The following CTNND2 variants were observed in gnomAD, a reference collection of about 807,000 sequenced individuals.
The protein encoded by CTNND2 is catenin delta 2, also known as catenin delta-2.
In CTNND2, 22 loss-of-function variants were observed where a neutral mutation model predicts 144.4. The ratio of observed to expected loss-of-function variants is 0.15; its 90% CI spans 0.11 to 0.22. CTNND2 has a LOEUF of 0.22. Among genes scored for constraint, CTNND2 ranks in the 10% least tolerant of loss-of-function variants. The pLI, the probability that CTNND2 is intolerant of heterozygous loss-of-function variation, is 1.00. For missense variants in CTNND2, 1,353 were observed against 1,618.8 expected, an observed-to-expected ratio of 0.84 and a Z score of 2.82; for synonymous variants, 751 against 695.6, an observed-to-expected ratio of 1.08 and a Z score of -1.25.
intron 12 of CTNND2, among the ~76,000 whole-genome samples, chr5:11,132,708 T>A (rs1175294890): frequency 6.6e-6 from 1 of 152,132 alleles, no homozygotes; most frequent in East Asian, 1.9e-4. Context: ...GGAAACCAAC[T>A]CCTTAATTTG....
chr5:11,126,400 G>A (rs2149708069), intron 12 of CTNND2, among the ~76,000 whole-genome samples: 1 of 152,330 alleles, frequency 6.6e-6, no homozygotes, highest in Non-Finnish European at 1.5e-5. Flanking sequence ...ATTATGTAAT[G>A]TTTGGTTCAA....
intron 2 of CTNND2, among the ~76,000 whole-genome samples, chr5:11,731,535 T>C (rs1326591665): frequency 1.3e-5 from 2 of 152,234 alleles, no homozygotes; most frequent in African/African-American, 2.4e-5. Context: ...ACTACTTTTT[T>C]ATTTACAAGA....
intron 6 of CTNND2, among the ~76,000 whole-genome samples, chr5:11,390,149 G>T (rs188465744): frequency 6.6e-6 from 1 of 152,164 alleles, no homozygotes; most frequent in Non-Finnish European, 1.5e-5. Flanking sequence ...CCCTTATATG[G>T]AGTATTTTAC....
At chr5:11,527,964 T>C (rs1381478080) in intron 3 of CTNND2, among the ~76,000 whole-genome samples, 1 of 152,164 alleles carries the variant, frequency 6.6e-6, no homozygotes. Flanking sequence ...CAGATTTCTT[T>C]GGAAAAGTAA....
At chr5:11,636,115 C>T (rs1364968327) in intron 2 of CTNND2, among the ~76,000 whole-genome samples, 1 of 151,506 alleles carries the variant, frequency 6.6e-6, no homozygotes, top group African/African-American at 2.4e-5. Flanking sequence ...AAACCCACCC[C>T]CTTAAATAAG....
chr5:11,421,974 T>C (rs894624056), intron 3 of CTNND2, among the ~76,000 whole-genome samples: 2 of 151,938 alleles, frequency 1.3e-5, no homozygotes, highest in African/African-American at 4.8e-5. Context: ...ACACGAAAAA[T>C]CCATAGAACA....
chr5:11,732,042 T>C, intron 2 of CTNND2, 94 bp downstream of exon 2: 1 of 1,244,620 alleles, frequency 8.0e-7, no homozygotes, highest in Non-Finnish European at 1.1e-6. Flanking sequence ...GAGTATGAGT[T>C]TCTTTTAACA....
chr5:11,636,285 T>C (rs1581643701), intron 2 of CTNND2, among the ~76,000 whole-genome samples: 1 of 152,164 alleles, frequency 6.6e-6, no homozygotes, highest in African/African-American at 2.4e-5. Context: ...TCCAGAATCA[T>C]TGTTCAGTAG....
At chr5:11,307,502 T>C (rs1750367777) in intron 9 of CTNND2, among the ~76,000 whole-genome samples, 1 of 152,144 alleles carries the variant, frequency 6.6e-6, no homozygotes, top group African/African-American at 2.4e-5. Flanking sequence ...TGAAGAAAGT[T>C]TCGCTTGCTG....
intron 14 of CTNND2, among the ~76,000 whole-genome samples, chr5:11,108,170 A>G (rs1029703127): frequency 7.9e-5 from 12 of 152,208 alleles, no homozygotes; most frequent in Admixed American, 2.0e-4. Flanking sequence ...TTGAATGATT[A>G]TTCTCCAAGT....
chr5:11,182,116 GGTGTGTGTGTGGATGGGGT>G (rs780240502), intron 11 of CTNND2, among the ~76,000 whole-genome samples: 12 of 138,578 alleles, frequency 8.7e-5, no homozygotes, highest in Non-Finnish European at 1.3e-4. Flanking sequence ...GTGTGTGTGT[GGTGTGTGTGTGGATGGGGT>G]GTGTGTGTGT....
intron 2 of CTNND2, among the ~76,000 whole-genome samples, chr5:11,708,834 C>A (rs1342150378): frequency 6.6e-6 from 1 of 152,112 alleles, no homozygotes; most frequent in Non-Finnish European, 1.5e-5. Context: ...GTTGTCAGCC[C>A]CCTCCCGTGA....
intron 3 of CTNND2, among the ~76,000 whole-genome samples, chr5:11,525,286 T>C (rs1463205133): frequency 6.6e-6 from 1 of 152,192 alleles, no homozygotes; most frequent in Admixed American, 6.5e-5. Flanking sequence ...CGCCTCTTTG[T>C]GTAGTCCCTT....
intron 1 of CTNND2, among the ~76,000 whole-genome samples, chr5:11,732,503 C>G (rs1787447463): frequency 6.6e-6 from 1 of 152,168 alleles, no homozygotes; most frequent in African/African-American, 2.4e-5. Flanking sequence ...AACACACTCA[C>G]ACTTTCTGTT....
intron 2 of CTNND2, among the ~76,000 whole-genome samples, chr5:11,571,615 T>C (rs958729651): frequency 6.6e-6 from 1 of 152,092 alleles, no homozygotes; most frequent in East Asian, 1.9e-4. Context: ...ATATCTAAAT[T>C]AGTGTTCAGC....
intron 7 of CTNND2, among the ~76,000 whole-genome samples, chr5:11,370,555 T>C (rs1436424776): frequency 6.6e-6 from 1 of 152,266 alleles, no homozygotes; most frequent in African/African-American, 2.4e-5. Context: ...ACTACATTAA[T>C]AAAACAGGTC....
At chr5:11,887,934 T>C (rs1423672098) in intron 1 of CTNND2, among the ~76,000 whole-genome samples, 2 of 152,214 alleles carry the variant, frequency 1.3e-5, no homozygotes, top group Admixed American at 6.5e-5. Context: ...TTTCAACACA[T>C]TGTATCAAGC....
At chr5:11,794,289 A>G (rs4235614) in intron 1 of CTNND2, among the ~76,000 whole-genome samples, 149,027 of 152,360 alleles carry the variant, frequency 0.98, 72,961 homozygotes, top group East Asian at 1. Flanking sequence ...CATCCATGGT[A>G]ATTATATTAT....
chr5:11,879,348 T>TATATATATATATATATATATATAC (rs1735830761), intron 1 of CTNND2, among the ~76,000 whole-genome samples: 1 of 133,554 alleles, frequency 7.5e-6, no homozygotes, highest in Non-Finnish European at 1.6e-5. Flanking sequence ...TGTGTATATA[T>TATATATATATATATATATATATAC]ATATATATAC....
Sources: allele counts gnomAD v4.1 joint callset (sites outside exome capture counted in the v4.1 genomes callset), GRCh38; gene constraint gnomAD v4.1.1; transcripts MANE v1.5; gene names NCBI Gene and HGNC (gene_info 2026-07-23, HGNC 2026-07-21).